The following UGT1A5 variants were observed in gnomAD, a reference collection of about 807,000 sequenced individuals.
UGT1A5 encodes the protein UDP-glucuronosyltransferase 1A5.
A neutral mutation model predicts 40.3 loss-of-function variants in UGT1A5; 29 were observed. The ratio of observed to expected loss-of-function variants is 0.72; its 90% CI spans 0.54 to 0.98. The LOEUF is 0.98. UGT1A5 is among the 50% of genes least tolerant of loss of function. The pLI is 0.00. For synonymous variants in UGT1A5, 257 were observed against 262.5 expected (o/e 0.98, Z 0.20); for missense variants, 678 against 677.9 (o/e 1.00, Z 0.00).
chr2:233,731,284 CTT>C (rs78127606), intron 1 of UGT1A5, among the ~76,000 whole-genome samples: 38 of 139,732 alleles, frequency 2.7e-4, no homozygotes, highest in East Asian at 1.2e-3. Context: ...GTTTTTCTTT[CTT>C]TTTTTTTTTT....
intron 1 of UGT1A5, chr2:233,721,974 C>G (rs1194611590): frequency 3.7e-5 from 10 of 270,972 alleles, no homozygotes; most frequent in Non-Finnish European, 7.4e-5. Context: ...CATTGATGGC[C>G]TGGGTAGTTT....
intron 1 of UGT1A5, among the ~76,000 whole-genome samples, chr2:233,750,410 G>A (rs1353067232): frequency 6.6e-6 from 1 of 151,900 alleles, no homozygotes; most frequent in African/African-American, 2.4e-5. Flanking sequence ...CTGACCATGT[G>A]GTAGAAAAGA....
At chr2:233,765,652 G>T (rs2126018835) in intron 1 of UGT1A5, among the ~76,000 whole-genome samples, 1 of 151,820 alleles carries the variant, frequency 6.6e-6, no homozygotes, top group East Asian at 1.9e-4. Context: ...GTCAATAGGT[G>T]CAGCAAACCA....
intron 1 of UGT1A5, among the ~76,000 whole-genome samples, chr2:233,759,862 C>CG (rs1187070955): frequency 6.6e-6 from 1 of 152,064 alleles, no homozygotes; most frequent in African/African-American, 2.4e-5. Context: ...ATGGCGAAAG[C>CG]GGGGGTACAG....
At position 233,725,204 on chromosome 2, in the gene UGT1A5, AGAGGCAGAGGCAGAG is replaced by A. The variant is rs1441655481; in HGVS notation, c.867+11408_867+11422del. On this transcript the variant is annotated intron_variant, in intron 1 of 4. Coordinates refer to ENST00000373414, the MANE Select transcript of UGT1A5 (RefSeq NM_019078.2). ...GAGAGGCAGAGGCAGAGGCAGAGGC[AGAGGCAGAGGCAGAG>A]GAGGCAGAGGCAGAGGAGGCAGAGG... Among the ~76,000 whole-genome samples, 412 of 85,248 alleles carry A rather than the reference AGAGGCAGAGGCAGAG, an allele frequency of 4.8e-3. 82 individuals carry two copies. Among genetic ancestry groups the A allele is most frequent in the East Asian group, 0.012 (46 of 3,984 alleles). The allele number at this position is 85,248 out of a possible 152,430, so 55.9% of individuals were successfully genotyped here.
At chr2:233,768,134 C>CT (rs1360779750) in intron 3 of UGT1A5, 86 bp from the exon 4 acceptor site, 2 of 1,607,930 alleles carry the variant, frequency 1.2e-6, no homozygotes, top group African/African-American at 2.7e-5. Flanking sequence ...AACACTGAGT[C>CT]TTTGGAGTGT....
At chr2:233,745,540 A>C (rs952908361) in intron 1 of UGT1A5, among the ~76,000 whole-genome samples, 1 of 151,766 alleles carries the variant, frequency 6.6e-6, no homozygotes, top group African/African-American at 2.4e-5. Flanking sequence ...TTATGTCACC[A>C]GAACAAACTT....
rs944391861 is a variant in UGT1A5, at chr2:233,772,995, T to C, written c.*436T>C. ...ACCAATAATGGTCAGTCCTCATCTC[T>C]GTCGTGCTTCATAGGTGCCACCTTG... On this transcript the variant is annotated 3_prime_UTR_variant, in exon 5 of 5. Transcript: ENST00000373414. The C allele has an allele frequency of 2.4e-5, 6 of 254,024 alleles. No individual in the cohort carries two copies. The highest frequency in any genetic ancestry group is 1.4e-4 in the African/African-American group (6 of 44,320). The allele number at this position is 254,024 out of a possible 1,614,324, so 15.7% of individuals were successfully genotyped here.
intron 1 of UGT1A5, chr2:233,729,725 C>T (rs780989099): frequency 6.2e-7 from 1 of 1,613,968 alleles, no homozygotes; most frequent in South Asian, 1.1e-5. Flanking sequence ...TTACTAACAA[C>T]CAATTCAGAC....
At chr2:233,716,356 C>T (rs1029133275) in intron 1 of UGT1A5, among the ~76,000 whole-genome samples, 6 of 152,180 alleles carry the variant, frequency 3.9e-5, no homozygotes, top group African/African-American at 1.4e-4. Flanking sequence ...AATGTAGATA[C>T]TTTGTGGGGC....
At chr2:233,760,872 G>A in intron 1 of UGT1A5, 1 of 1,614,112 alleles carries the variant, frequency 6.2e-7, no homozygotes, top group Non-Finnish European at 8.5e-7. Flanking sequence ...ACGTGCCCAG[G>A]CCTCTCTCCT....
intron 1 of UGT1A5, chr2:233,740,907 T>C (rs1395236903): frequency 3.6e-5 from 5 of 140,068 alleles, no homozygotes; most frequent in South Asian, 4.8e-4. Context: ...AGGTCAACAT[T>C]GTTCCCATCT....
At chr2:233,725,215 C>G (rs1487154592) in intron 1 of UGT1A5, among the ~76,000 whole-genome samples, 2 of 85,916 alleles carry the variant, frequency 2.3e-5, no homozygotes, top group African/African-American at 2.0e-4. Context: ...GAGGCAGAGG[C>G]AGAGGAGGCA....
Position 233,713,210 on chromosome 2 carries a change from C to A in UGT1A5, c.219C>A (p.Asn73Lys), listed in dbSNP as rs17874940. Residue 73 changes from asparagine to lysine, a missense_variant, in exon 1 of 5, where the codon AAC (asparagine) becomes AAA (lysine). By Grantham distance (94) the Asn-to-Lys change is moderately conservative. Coordinates refer to ENST00000373414, the MANE Select transcript of UGT1A5 (RefSeq NM_019078.2). Reference protein sequence around the residue: ...LEVNMYIKEENFFTLTTYAIS... With the variant: ...LEVNMYIKEEKFFTLTTYAIS... Reference sequence around the variant, plus strand: ...TGAATATGTACATCAAAGAAGAGAACTTTTTCACCCTGACAACGTATGCCA... The same window carrying A: ...TGAATATGTACATCAAAGAAGAGAAATTTTTCACCCTGACAACGTATGCCA... 29 of 1,614,238 alleles carry A rather than the reference C, an allele frequency of 1.8e-5. 1 individual carries two copies. Among genetic ancestry groups the A allele is most frequent in the Middle Eastern group, 3.3e-4 (2 of 6,062 alleles).
At chr2:233,737,893 C>T (rs954991944) in intron 1 of UGT1A5, among the ~76,000 whole-genome samples, 2 of 152,082 alleles carry the variant, frequency 1.3e-5, no homozygotes, top group African/African-American at 4.8e-5. Flanking sequence ...AGCTAATTTT[C>T]GAGTGTGGTA....
Position 233,731,690 on chromosome 2 carries a change from G to C in UGT1A5, c.867+17832G>C, listed in dbSNP as rs183220610. ...TTCTTAATCCAGTCTATCATTGATG[G>C]ACATTTGGATTGGTTCCAGGTCTTT... On this transcript the variant is annotated intron_variant, in intron 1 of 4. Coordinates refer to ENST00000373414, the MANE Select transcript of UGT1A5 (RefSeq NM_019078.2). 7.2e-5 allele frequency among the ~76,000 whole-genome samples: 11 copies of C among 152,322 alleles called. No individual in the cohort carries two copies. The East Asian group carries it at 2.1e-3, about 29-fold the overall frequency.
intron 1 of UGT1A5, chr2:233,752,303 GC>G (rs1430654409): frequency 6.6e-6 from 1 of 152,154 alleles, no homozygotes; most frequent in Non-Finnish European, 1.5e-5. Context: ...GCCTTTCCTT[GC>G]CCGGTGTGCT....
chr2:233,732,066 G>A (rs1295393018), intron 1 of UGT1A5, among the ~76,000 whole-genome samples: 2 of 152,128 alleles, frequency 1.3e-5, no homozygotes, highest in African/African-American at 4.8e-5. Flanking sequence ...TGTGTCTGTT[G>A]GCTGCATAAA....
chr2:233,729,038 G>T (rs2077778879), intron 1 of UGT1A5: 2 of 1,604,346 alleles, frequency 1.2e-6, no homozygotes, highest in South Asian at 2.2e-5. Flanking sequence ...TTGCTAAGTG[G>T]CTCAGTGACA....
Sources: gnomAD v4.1 joint callset for allele counts (sites outside exome capture counted in the v4.1 genomes callset) on GRCh38, gnomAD v4.1.1 for gene constraint, MANE v1.5 for transcripts, NCBI Gene and HGNC (gene_info 2026-07-23, HGNC 2026-07-21) for gene names.